The following DLC1 variants were observed in gnomAD, a reference collection of about 807,000 sequenced individuals.
DLC1 encodes the protein DLC1 Rho GTPase activating protein, also known as rho GTPase-activating protein 7.
DLC1 carries 54 observed loss-of-function variants against 140.3 expected under a neutral mutation model. The ratio of observed to expected loss-of-function variants is 0.38; its 90% confidence interval spans 0.31 to 0.48. The LOEUF is 0.48. Ranked by LOEUF, DLC1 falls within the 20% of genes least tolerant of loss-of-function variation. The probability of loss-of-function intolerance (pLI) is 0.96; values close to 1 mark genes in which losing one functional copy is unlikely to be tolerated. For synonymous variants in DLC1, 986 were observed against 728.1 expected (o/e 1.35, Z -5.70); for missense variants, 2,536 against 1,907.0 (o/e 1.33, Z -6.14).
intron 2 of DLC1, among the ~76,000 whole-genome samples, chr8:13,417,363 C>T (rs1838114634): frequency 6.7e-6 from 1 of 149,642 alleles, no homozygotes; most frequent in Non-Finnish European, 1.5e-5. Flanking sequence ...TCCCACCTCC[C>T]CCCACCCAAC....
intron 4 of DLC1, among the ~76,000 whole-genome samples, chr8:13,386,782 A>G (rs1424041765): frequency 6.6e-6 from 1 of 150,608 alleles, no homozygotes; most frequent in Non-Finnish European, 1.5e-5. Context: ...ATCACTGAAC[A>G]ATTTCCTTTT....
At chr8:13,388,649 CAT>C (rs1251783271) in intron 4 of DLC1, among the ~76,000 whole-genome samples, 5 of 151,926 alleles carry the variant, frequency 3.3e-5, no homozygotes, top group African/African-American at 7.2e-5. Context: ...AATAATATCA[CAT>C]GTTATTTTTG....
At chr8:13,120,490 C>G (rs1820967772) in intron 5 of DLC1, among the ~76,000 whole-genome samples, 1 of 151,396 alleles carries the variant, frequency 6.6e-6, no homozygotes, top group Non-Finnish European at 1.5e-5. Flanking sequence ...CTACCCCATG[C>G]TTGTTTTGGG....
In DLC1 at chr8:13,583,225, C is replaced by T. The variant is rs1805178339; in HGVS notation, c.-126+21312G>A. Among the ~76,000 whole-genome samples, 5 of 152,294 alleles carry T rather than the reference C, an allele frequency of 3.3e-5. No individual in the cohort carries two copies. The South Asian group carries it at 1.0e-3, about 32-fold the overall frequency. On this transcript the variant is annotated intron_variant, in intron 1 of 1. Transcript: ENST00000631382. ...TGATAGCATTTTACCCAAAGGGGAA[C>T]TGTTTTCAAACTTGGAGTCAATTCT...
intron 1 of DLC1, among the ~76,000 whole-genome samples, chr8:13,555,759 C>A (rs905926659): frequency 3.9e-5 from 6 of 151,924 alleles, no homozygotes; most frequent in Admixed American, 3.3e-4. Flanking sequence ...CGCTTGGCCT[C>A]CCAAAGTGCT....
intron 5 of DLC1, among the ~76,000 whole-genome samples, chr8:13,148,680 T>C (rs1823602253): frequency 6.6e-6 from 1 of 152,096 alleles, no homozygotes; most frequent in Non-Finnish European, 1.5e-5. Flanking sequence ...GTTGTTGTTT[T>C]CTGTCTAAAA....
chr8:13,208,679 A>G (rs112924539), intron 5 of DLC1, among the ~76,000 whole-genome samples: 7 of 152,070 alleles, frequency 4.6e-5, no homozygotes, highest in African/African-American at 1.7e-4. Flanking sequence ...AAGTTATAAA[A>G]TTAAAAAGAT....
chr8:13,517,699 G>GA (rs1311486835), upstream of DLC1, among the ~76,000 whole-genome samples: 3 of 152,162 alleles, frequency 2.0e-5, no homozygotes, highest in Admixed American at 2.0e-4. Flanking sequence ...CTGTTACTCT[G>GA]TACTGGATCA....
intron 2 of DLC1, among the ~76,000 whole-genome samples, chr8:13,454,400 C>T (rs1345581457): frequency 6.6e-6 from 1 of 152,084 alleles, no homozygotes; most frequent in Non-Finnish European, 1.5e-5. Flanking sequence ...TCACAAAGTA[C>T]ATTATTTTCT....
chr8:13,131,860 T>A (rs1329952419), intron 5 of DLC1, among the ~76,000 whole-genome samples: 1 of 152,160 alleles, frequency 6.6e-6, no homozygotes, highest in Non-Finnish European at 1.5e-5. Flanking sequence ...CCGTGTCCCC[T>A]CTCACTTTCC....
intron 2 of DLC1, among the ~76,000 whole-genome samples, chr8:13,456,268 C>A (rs553933350): frequency 9.7e-4 from 148 of 152,178 alleles, no homozygotes; most frequent in African/African-American, 3.4e-3. Context: ...CCTTTTTCTT[C>A]TCAATTATTT....
chr8:13,293,277 T>C (rs185230570), intron 5 of DLC1, among the ~76,000 whole-genome samples: 17 of 152,304 alleles, frequency 1.1e-4, no homozygotes, highest in Admixed American at 3.3e-4. Context: ...AATGGCATGT[T>C]CAGGATAAAT....
chr8:13,295,988 T>G (rs1480129149), intron 5 of DLC1, among the ~76,000 whole-genome samples: 2 of 139,594 alleles, frequency 1.4e-5, no homozygotes, highest in Non-Finnish European at 3.1e-5. Flanking sequence ...AGTCTCATTC[T>G]ATTGCCCAGG....
chr8:13,269,754 A>G (rs1208927086), intron 5 of DLC1, among the ~76,000 whole-genome samples: 1 of 150,646 alleles, frequency 6.6e-6, no homozygotes, highest in Non-Finnish European at 1.5e-5. Flanking sequence ...CTAAGTAATT[A>G]GAATAAGAAA....
chr8:13,133,431 C>G (rs7014240), intron 5 of DLC1: 1 of 482,936 alleles, frequency 2.1e-6, no homozygotes, highest in Non-Finnish European at 2.7e-6. Context: ...CCGCCCCATT[C>G]CCAGGCTCCG....
At chr8:13,581,039 C>T (rs1365338374) in intron 1 of DLC1, among the ~76,000 whole-genome samples, 1 of 152,120 alleles carries the variant, frequency 6.6e-6, no homozygotes, top group Non-Finnish European at 1.5e-5. Context: ...GCGGTGAAAC[C>T]TTAAAGTTGT....
intron 2 of DLC1, among the ~76,000 whole-genome samples, chr8:13,419,639 A>G (rs889483865): frequency 6.6e-6 from 1 of 152,198 alleles, no homozygotes; most frequent in African/African-American, 2.4e-5. Context: ...GGATTTTTGC[A>G]TCAGTGTTCA....
intron 5 of DLC1, among the ~76,000 whole-genome samples, chr8:13,280,064 G>C (rs1295241076): frequency 2.6e-5 from 4 of 151,616 alleles, no homozygotes; most frequent in African/African-American, 9.7e-5. Context: ...TGGATCATGA[G>C]GTCGGGAGAT....
chr8:13,391,905 AAAAG>A (rs1836780586), intron 4 of DLC1, among the ~76,000 whole-genome samples: 1 of 96,678 alleles, frequency 1.0e-5, no homozygotes. Flanking sequence ...ATGTTGAAAA[AAAAG>A]AAAAAGCCAA....
Sources: gnomAD v4.1 joint callset for allele counts (sites outside exome capture counted in the v4.1 genomes callset) on GRCh38, gnomAD v4.1.1 for gene constraint, MANE v1.5 for transcripts, NCBI Gene and HGNC (gene_info 2026-07-23, HGNC 2026-07-21) for gene names.